The following PDE10A variants were observed in gnomAD, a reference collection of about 807,000 sequenced individuals.
The protein encoded by PDE10A is cAMP and cAMP-inhibited cGMP 3',5'-cyclic phosphodiesterase 10A.
In PDE10A, 39 loss-of-function variants were observed where a neutral mutation model predicts 97.7. The ratio of observed to expected loss-of-function variants is 0.40; its 90% confidence interval spans 0.31 to 0.52. The LOEUF (loss-of-function observed/expected upper bound fraction) is 0.52, where lower values mean the gene tolerates loss of function less well. Among genes scored for constraint, PDE10A ranks in the 20% least tolerant of loss-of-function variants. PDE10A has a pLI of 0.56. For synonymous variants in PDE10A, 371 were observed against 376.8 expected (o/e 0.98, Z 0.18); for missense variants, 731 against 1,047.8 (o/e 0.70, Z 4.17).
chr6:165,826,698 G>A (rs990193850), intron 1 of PDE10A, among the ~76,000 whole-genome samples: 1 of 152,046 alleles, frequency 6.6e-6, no homozygotes, highest in Non-Finnish European at 1.5e-5. Flanking sequence ...AGGCACGGTG[G>A]GAGCGGGCGC....
chr6:165,449,592 A>C (rs1404271879), intron 4 of PDE10A, among the ~76,000 whole-genome samples: 2 of 152,148 alleles, frequency 1.3e-5, no homozygotes, highest in Non-Finnish European at 2.9e-5. Context: ...AAATGGTGGC[A>C]ATAATAAAAA....
intron 1 of PDE10A, chr6:165,781,982 C>T (rs1778354481): frequency 6.6e-6 from 1 of 152,070 alleles, no homozygotes; most frequent in Admixed American, 6.6e-5. Flanking sequence ...GTGACATCAG[C>T]AACAGCAAAG....
intron 1 of PDE10A, among the ~76,000 whole-genome samples, chr6:165,969,961 A>T (rs529977914): frequency 1.3e-5 from 2 of 151,518 alleles, no homozygotes; most frequent in South Asian, 2.1e-4. Flanking sequence ...GAAAGAGTGT[A>T]ATTTTACAGT....
intron 2 of PDE10A, among the ~76,000 whole-genome samples, chr6:165,495,600 A>G (rs1780490179): frequency 6.6e-6 from 1 of 152,208 alleles, no homozygotes; most frequent in African/African-American, 2.4e-5. Flanking sequence ...ACATCATTAA[A>G]TTAATACATT....
chr6:165,923,908 G>C (rs574873278), intron 1 of PDE10A, among the ~76,000 whole-genome samples: 2 of 152,200 alleles, frequency 1.3e-5, no homozygotes, highest in African/African-American at 4.8e-5. Flanking sequence ...GAAAGAATAA[G>C]ACCAGCTTTT....
chr6:165,847,687 C>T (rs1195281522), intron 1 of PDE10A, among the ~76,000 whole-genome samples: 3 of 152,258 alleles, frequency 2.0e-5, no homozygotes, highest in African/African-American at 7.2e-5. Flanking sequence ...AGCCAACTCC[C>T]ATAGCGTAAG....
intron 6 of PDE10A, among the ~76,000 whole-genome samples, chr6:165,434,232 A>G (rs1789831557): frequency 7.1e-6 from 1 of 140,400 alleles, no homozygotes; most frequent in Admixed American, 6.9e-5. Flanking sequence ...CTTATACAGC[A>G]TGGGCCCTCC....
intron 1 of PDE10A, among the ~76,000 whole-genome samples, chr6:165,778,426 A>T (rs1032083061): frequency 6.6e-6 from 1 of 152,190 alleles, no homozygotes; most frequent in Non-Finnish European, 1.5e-5. Flanking sequence ...GCTCTATAGT[A>T]TGTAGGCACA....
At chr6:165,619,383 T>G (rs1423106913) in intron 1 of PDE10A, among the ~76,000 whole-genome samples, 2 of 147,626 alleles carry the variant, frequency 1.4e-5, no homozygotes, top group African/African-American at 5.0e-5. Context: ...TGTAGTGTAG[T>G]CTAGTATAGT....
At chr6:165,359,152 T>C (rs375502713) in intron 18 of PDE10A, among the ~76,000 whole-genome samples, 6 of 152,208 alleles carry the variant, frequency 3.9e-5, no homozygotes, top group Non-Finnish European at 5.9e-5. Flanking sequence ...TTTAGAAAAA[T>C]AGAAGAAACA....
intron 13 of PDE10A, among the ~76,000 whole-genome samples, chr6:165,406,262 T>TG (rs1787156060): frequency 7.0e-5 from 3 of 43,014 alleles, no homozygotes; most frequent in Admixed American, 2.0e-4. Context: ...GTGTGTGTGT[T>TG]TCTGTGTGTG....
chr6:165,701,639 C>T (rs1383124208), intron 1 of PDE10A, among the ~76,000 whole-genome samples: 1 of 117,364 alleles, frequency 8.5e-6, no homozygotes, highest in Non-Finnish European at 1.7e-5. Context: ...ATGGTCTACT[C>T]TTCATGTATG....
At chr6:165,521,051 A>G (rs1782099513) in intron 2 of PDE10A, among the ~76,000 whole-genome samples, 1 of 152,104 alleles carries the variant, frequency 6.6e-6, no homozygotes, top group Admixed American at 6.6e-5. Flanking sequence ...TTCCAACAGC[A>G]TGTGCTCACT....
intron 1 of PDE10A, among the ~76,000 whole-genome samples, chr6:165,648,144 C>T (rs1789499893): frequency 6.6e-6 from 1 of 152,074 alleles, no homozygotes; most frequent in African/African-American, 2.4e-5. Flanking sequence ...TCCCGAGTAG[C>T]TGGGACTATA....
At chr6:165,713,576 G>A (rs1359843996) in intron 1 of PDE10A, among the ~76,000 whole-genome samples, 1 of 152,182 alleles carries the variant, frequency 6.6e-6, no homozygotes, top group Non-Finnish European at 1.5e-5. Flanking sequence ...GGAGAGGAGG[G>A]AGGGTGGCTG....
intron 1 of PDE10A, among the ~76,000 whole-genome samples, chr6:165,578,472 T>C (rs1785436334): frequency 6.6e-6 from 1 of 152,148 alleles, no homozygotes; most frequent in Non-Finnish European, 1.5e-5. Context: ...CAGATTTTTA[T>C]TTAAAAAATT....
rs78144196 is a variant in PDE10A, at chr6:165,669,123, C to T, written c.-614-125555G>A. ...TCTGCAAGAGCAGCCAATTGGGAGACGTAAGTAGAACTTGGTATATTAAAT... is the reference window on the plus strand; with the variant it reads ...TCTGCAAGAGCAGCCAATTGGGAGATGTAAGTAGAACTTGGTATATTAAAT... On this transcript the variant is annotated intron_variant, in intron 1 of 19. Coordinates refer to the PDE10A transcript ENST00000366882. Among the ~76,000 whole-genome samples, 702 of 152,264 alleles carry T rather than the reference C, an allele frequency of 4.6e-3. 3 individuals are homozygous for T. Among genetic ancestry groups the T allele is most frequent in the Middle Eastern group, 0.01 (3 of 294 alleles).
chr6:165,920,443 A>G (rs1390409101), intron 1 of PDE10A, among the ~76,000 whole-genome samples: 3 of 152,208 alleles, frequency 2.0e-5, no homozygotes, highest in Non-Finnish European at 2.9e-5. Context: ...AGGTTGTAGT[A>G]AAATGATCCA....
chr6:165,498,847 A>G (rs1780704427), intron 2 of PDE10A, among the ~76,000 whole-genome samples: 1 of 152,202 alleles, frequency 6.6e-6, no homozygotes, highest in Non-Finnish European at 1.5e-5. Context: ...TCTAATTACT[A>G]CTAACTTCAT....
Sources: allele counts gnomAD v4.1 joint callset (sites outside exome capture counted in the v4.1 genomes callset), GRCh38; gene constraint gnomAD v4.1.1; transcripts MANE v1.5; gene names NCBI Gene and HGNC (gene_info 2026-07-23, HGNC 2026-07-21).